DNAH11: variants seen among roughly 807,000 people sequenced by gnomAD.
DNAH11 encodes dynein axonemal heavy chain 11.
A neutral mutation model predicts 526.0 loss-of-function variants in DNAH11; 442 were observed. The ratio of observed to expected loss-of-function variants is 0.84; its 90% CI spans 0.78 to 0.91. The LOEUF (loss-of-function observed/expected upper bound fraction) is 0.91. Among genes scored for constraint, DNAH11 ranks in the 40% least tolerant of loss-of-function variants. The probability of loss-of-function intolerance (pLI) is 0.00; values close to 1 mark genes in which losing one functional copy is unlikely to be tolerated. For missense variants in DNAH11, 6,989 were observed against 5,448.7 expected (o/e 1.28, Z -8.90); for synonymous variants, 2,461 against 1,935.9 (o/e 1.27, Z -7.12).
chr7:21,550,193 G>C (rs1209386021), intron 2 of DNAH11, among the ~76,000 whole-genome samples: 1 of 151,852 alleles, frequency 6.6e-6, no homozygotes, highest in African/African-American at 2.4e-5. Context: ...GTTCACCCCA[G>C]TTTAGCTGTT....
chr7:21,574,616 T>A (rs1325040834), intron 8 of DNAH11, among the ~76,000 whole-genome samples: 10 of 137,332 alleles, frequency 7.3e-5, no homozygotes, highest in Non-Finnish European at 1.5e-4. Flanking sequence ...CAGGCTGGAG[T>A]GCAATGGTGC....
chr7:21,581,874 A>G (rs746986421), intron 8 of DNAH11, 31 bp from the exon 9 acceptor site: 4 of 1,383,494 alleles, frequency 2.9e-6, no homozygotes, highest in Middle Eastern at 1.8e-4. Flanking sequence ...ATTATTTCCA[A>G]TATACTAATA....
At chr7:21,679,843 G>C (rs767713202) in intron 30 of DNAH11, among the ~76,000 whole-genome samples, 1 of 151,952 alleles carries the variant, frequency 6.6e-6, no homozygotes, top group African/African-American at 2.4e-5. Context: ...TGCAAAGTTC[G>C]GATACAGATT....
In DNAH11 at chr7:21,901,361, C is replaced by T. The variant is rs1029807266; in HGVS notation, c.*107C>T. 43 of 1,359,238 alleles carry T rather than the reference C, an allele frequency of 3.2e-5. No individual in the cohort carries two copies. The highest frequency in any genetic ancestry group is 3.9e-5 in the Non-Finnish European group (41 of 1,043,226). 84.2% of individuals were successfully genotyped at this position (1,359,238 alleles called of 1,614,324 possible). A position where few individuals can be genotyped will look rare whatever the true frequency, so the allele number is the denominator to read the frequency against. On this transcript the variant is annotated 3_prime_UTR_variant, in exon 82 of 82. Coordinates refer to ENST00000409508, the MANE Select transcript of DNAH11 (RefSeq NM_001277115.2). The stretch of plus-strand genomic sequence containing the variant: ...TATTCTAACTTTTTAGTAACTCACA[C>T]GTGCATTCTTTTTTCAACGCTATCC...
chr7:21,583,441 A>T (rs976939000), intron 9 of DNAH11, among the ~76,000 whole-genome samples: 1 of 152,168 alleles, frequency 6.6e-6, no homozygotes, highest in African/African-American at 2.4e-5. Context: ...ATTAAGATGG[A>T]TTAAAGACTT....
rs1410267671 is a variant in DNAH11, at chr7:21,750,262, G to C, written c.8838G>C (p.Lys2946Asn). Residue 2946 changes from lysine (K) to asparagine (N), a missense_variant, in exon 54 of 82, where the codon AAG becomes AAC. By Grantham distance (94) the Lys-to-Asn change is moderately conservative. Transcript: ENST00000409508. The part of the protein sequence containing the change: ...PDLFSDEDVD[K>N]IISGIHNEVH... ...TGTTCAGCGATGAAGATGTGGACAA[G>C]ATAATTTCTGGAATTCATAATGAAG... 2.5e-6 allele frequency: 4 copies of C among 1,605,864 alleles called. No homozygotes were observed. The highest frequency in any genetic ancestry group is 3.3e-4 in the Middle Eastern group (2 of 6,056).
intron 66 of DNAH11, 23 bp downstream of exon 66, chr7:21,842,771 C>A (rs750505541): frequency 6.4e-7 from 1 of 1,570,626 alleles, no homozygotes; most frequent in Non-Finnish European, 8.7e-7. Flanking sequence ...ACGTCACCAC[C>A]AACACTTAGT....
At chr7:21,607,622 TC>T (rs1428791937) in intron 20 of DNAH11, among the ~76,000 whole-genome samples, 2 of 152,030 alleles carry the variant, frequency 1.3e-5, no homozygotes, top group Non-Finnish European at 2.9e-5. Context: ...GTATTACTTT[TC>T]CTCTTTCAAT....
At chr7:21,870,755 C>G (rs1309867140) in intron 73 of DNAH11, among the ~76,000 whole-genome samples, 5 of 152,210 alleles carry the variant, frequency 3.3e-5, no homozygotes, top group Non-Finnish European at 4.4e-5. Flanking sequence ...CTTATTTTGT[C>G]AAGGATCTAC....
chr7:21,599,986 T>A lies in DNAH11; in HGVS notation c.2867T>A (p.Val956Glu), dbSNP rs1255306000. The change falls in exon 15 of 82, where the codon GTG (valine) becomes GAG (glutamate). Residue 956 changes from valine to glutamate, a missense_variant. Physicochemically the swap from Val to Glu is moderately radical, Grantham distance 121. Transcript: ENST00000409508. ...ATGATCTTGTTGCCTCCTGAGATTG[T>A]GTTTAAACCTTCCCTAGACAGAGAG... ...AQMILLPPEIVFKPSLDREAG... is the reference protein window; with the variant it reads ...AQMILLPPEIEFKPSLDREAG... The A allele has an allele frequency of 6.2e-7, 1 of 1,613,832 alleles. No individual in the cohort carries two copies. The highest frequency in any genetic ancestry group is 2.2e-5 in the East Asian group (1 of 44,870).
intron 30 of DNAH11, among the ~76,000 whole-genome samples, chr7:21,661,855 T>C (rs1782254739): frequency 1.3e-5 from 2 of 152,092 alleles, no homozygotes; most frequent in Admixed American, 1.3e-4. Context: ...GTTTCGCTCC[T>C]GTCATCCAGT....
In DNAH11 at chr7:21,717,862, CT is replaced by C. The variant is rs1433707889; in HGVS notation, c.7073del (p.Leu2358TrpfsTer4). On this transcript the variant is annotated frameshift_variant, in exon 43 of 82. Transcript: ENST00000409508. LOFTEE classifies it high-confidence loss of function. ...ILFDKYVPACLDKLRTSFKTI... is the reference protein window; with the variant it reads ...ILFDKYVPACXDKLRTSFKTI... The stretch of plus-strand genomic sequence containing the variant: ...TTTTTGATAAATATGTCCCTGCATG[CT>C]TGGATAAACTGAGAACAAGCTTTAA... 6.2e-7 allele frequency: 1 copy of C among 1,613,874 alleles called. No homozygotes were observed. Among genetic ancestry groups the C allele is most frequent in the Admixed American group, 1.7e-5 (1 of 59,994 alleles).
rs1785091846 is a variant in DNAH11 at position 21,726,089 on chromosome 7, G to A, written c.7440+105G>A. The A allele has an allele frequency of 3.5e-6, 4 of 1,154,702 alleles. No homozygotes were observed. In the South Asian group the frequency reaches 7.5e-5, roughly 22 times the overall value. The allele number at this position is 1,154,702 out of a possible 1,614,324, so 71.5% of individuals were successfully genotyped here. A position where few individuals can be genotyped will look rare whatever the true frequency, so the allele number is the denominator to read the frequency against. On this transcript the variant is annotated intron_variant, in intron 45 of 81. Coordinates refer to ENST00000409508, the MANE Select transcript of DNAH11 (RefSeq NM_001277115.2). ...AAGAAAAGAGGTTTAATTGGCTCATGATTCCACAGGCTGCCCAGGAAGCAT... is the reference window on the plus strand; with the variant it reads ...AAGAAAAGAGGTTTAATTGGCTCATAATTCCACAGGCTGCCCAGGAAGCAT...
intron 56 of DNAH11, among the ~76,000 whole-genome samples, chr7:21,777,714 C>T (rs1787739206): frequency 6.6e-6 from 1 of 152,154 alleles, no homozygotes; most frequent in African/African-American, 2.4e-5. Context: ...CTAAAAAGAA[C>T]TGAGAAGCAT....
chr7:21,725,199 T>C (rs569790353), intron 44 of DNAH11, among the ~76,000 whole-genome samples: 1 of 152,308 alleles, frequency 6.6e-6, no homozygotes, highest in African/African-American at 2.4e-5. Context: ...CTGGACCCCT[T>C]AGATTTGGTC....
rs773280068 is a variant in DNAH11, at chr7:21,739,690, T to C, written c.7914+17T>C. ...AGGCTACAGGTAGGGTGTTGAATAC[T>C]GCTCTCAAAAACTGTAGGTCTGTAT... On this transcript the variant is annotated intron_variant, in intron 48 of 81. Coordinates refer to ENST00000409508, the MANE Select transcript of DNAH11 (RefSeq NM_001277115.2). The C allele has an allele frequency of 6.3e-7, 1 of 1,586,758 alleles. No homozygotes were observed. Among genetic ancestry groups the C allele is most frequent in the South Asian group, 1.1e-5 (1 of 88,448 alleles).
At chr7:21,726,720 G>T (rs2128485863) in intron 45 of DNAH11, among the ~76,000 whole-genome samples, 1 of 150,318 alleles carries the variant, frequency 6.7e-6, no homozygotes, top group South Asian at 2.1e-4. Flanking sequence ...AATTAGCCGG[G>T]TGTGGTGGCG....
At chr7:21,656,687 T>C (rs888228705) in intron 29 of DNAH11, among the ~76,000 whole-genome samples, 10 of 152,258 alleles carry the variant, frequency 6.6e-5, no homozygotes, top group African/African-American at 2.4e-4. Flanking sequence ...GATGGAATAG[T>C]GTCTAGTGGA....
chr7:21,551,045 T>G (rs553178069), intron 2 of DNAH11, among the ~76,000 whole-genome samples: 1 of 152,224 alleles, frequency 6.6e-6, no homozygotes, highest in Non-Finnish European at 1.5e-5. Flanking sequence ...CCATAATTCC[T>G]AAGTATTGCA....
Sources: gnomAD v4.1 joint callset for allele counts (sites outside exome capture counted in the v4.1 genomes callset) on GRCh38, gnomAD v4.1.1 for gene constraint, MANE v1.5 for transcripts, NCBI Gene and HGNC (gene_info 2026-07-23, HGNC 2026-07-21) for gene names.